The following EIF2D variants were observed in gnomAD, a reference collection of about 807,000 sequenced individuals.
EIF2D encodes the protein hepatocellular carcinoma-associated antigen 56.
A neutral mutation model predicts 77.4 loss-of-function variants in EIF2D; 56 were observed. The ratio of observed to expected loss-of-function variants is 0.72; its 90% CI spans 0.58 to 0.90. EIF2D has a LOEUF of 0.90. Ranked by LOEUF, EIF2D falls within the 40% of genes least tolerant of loss-of-function variation. The pLI, the probability that EIF2D is intolerant of heterozygous loss-of-function variation, is 0.00. For missense variants in EIF2D, 574 were observed against 706.5 expected, an observed-to-expected ratio of 0.81 and a Z score of 2.13; for synonymous variants, 230 against 271.0, an observed-to-expected ratio of 0.85 and a Z score of 1.49.
intron 11 of EIF2D, among the ~76,000 whole-genome samples, chr1:206,597,589 G>A (rs1412588814): frequency 6.6e-6 from 1 of 152,170 alleles, no homozygotes; most frequent in African/African-American, 2.4e-5. Flanking sequence ...GGCTGAGGCG[G>A]GAGGATCACC....
Position 206,584,808 on chromosome 1 carries a change from T to A in EIF2D, c.139-3646A>T. The A allele has an allele frequency of 9.9e-7, 1 of 1,012,612 alleles. No homozygotes were observed. The highest frequency in any genetic ancestry group is 1.5e-6 in the Non-Finnish European group (1 of 680,786). The allele number at this position is 1,012,612 out of a possible 1,614,324, so 62.7% of individuals were successfully genotyped here. A position where few individuals can be genotyped will look rare whatever the true frequency, so the allele number is the denominator to read the frequency against. ...TTCTCCTGAGCACCAGGGGTCCAGCTGCCCATGTGGTGTTCAGATCTGTGG... is the reference window on the plus strand; with the variant it reads ...TTCTCCTGAGCACCAGGGGTCCAGCAGCCCATGTGGTGTTCAGATCTGTGG... On this transcript the variant is annotated intron_variant and NMD_transcript_variant, in intron 2 of 5. Coordinates refer to the EIF2D transcript ENST00000472709. This position sits in a 1 kb window ranked among gnomAD's most constrained non-coding sequence, Gnocchi z 4.9.
At chr1:206,597,734 CAGG>C (rs1361020377) in intron 11 of EIF2D, among the ~76,000 whole-genome samples, 3 of 152,146 alleles carry the variant, frequency 2.0e-5, no homozygotes, top group African/African-American at 4.8e-5. Flanking sequence ...CACTTGAGGT[CAGG>C]AGTTCAAGAC....
chr1:206,599,167 T>G lies in EIF2D; in HGVS notation c.1203-75A>C, dbSNP rs1337889281. On this transcript the variant is annotated intron_variant, in intron 10 of 14. Transcript: ENST00000271764. The surrounding 1 kb of genome is among the most constrained non-coding windows in gnomAD (Gnocchi z 4.1). ...CAAAAATGCAGATGCCCAGACTCACTCCCTGCTGAGCAGGGAACTTTCCTT... is the reference window on the plus strand; with the variant it reads ...CAAAAATGCAGATGCCCAGACTCACGCCCTGCTGAGCAGGGAACTTTCCTT... 1 of 1,415,888 alleles carries G rather than the reference T, an allele frequency of 7.1e-7. No homozygotes were observed. Among genetic ancestry groups the G allele is most frequent in the Non-Finnish European group, 9.9e-7 (1 of 1,008,762 alleles). The allele number at this position is 1,415,888 out of a possible 1,614,324, so 87.7% of individuals were successfully genotyped here. A position where few individuals can be genotyped will look rare whatever the true frequency, so the allele number is the denominator to read the frequency against.
intron 4 of EIF2D, among the ~76,000 whole-genome samples, chr1:206,574,115 A>C (rs1379587674): frequency 6.6e-6 from 1 of 152,248 alleles, no homozygotes; most frequent in Admixed American, 6.5e-5. Flanking sequence ...TAAGGGAGCT[A>C]CTGTTCCCTG....
At chr1:206,608,194 C>T (rs1670289912) in intron 4 of EIF2D, 42 bp downstream of exon 4, 1 of 1,572,800 alleles carries the variant, frequency 6.4e-7, no homozygotes, top group Non-Finnish European at 8.7e-7. Flanking sequence ...TTCTCTTTTA[C>T]ACAAGTTTTT....
chr1:206,599,781 A>G lies in EIF2D; in HGVS notation c.1004T>C (p.Leu335Pro). Residue 335 changes from leucine to proline, a missense_variant, in exon 9 of 15, where the codon CTG becomes CCG. Coordinates refer to ENST00000271764, the MANE Select transcript of EIF2D (RefSeq NM_006893.3). This position sits in a 1 kb window ranked among gnomAD's most constrained non-coding sequence, Gnocchi z 4.1. ...QQEQIIQVKE[L>P]SKGVESIVAV... ...CACAATGCTCTCCACCCCTTTGCTC[A>G]GCTCCTTCACCTGTATAATCTGCTC... is the stretch of plus-strand genomic sequence containing the variant. 1.2e-6 allele frequency: 2 copies of G among 1,614,114 alleles called. No homozygotes were observed. The highest frequency in any genetic ancestry group is 1.6e-4 in the Middle Eastern group (1 of 6,062).
exon 3 of EIF2D, chr1:206,581,106 T>G (rs1668855941): frequency 1.3e-5 from 2 of 152,260 alleles, no homozygotes; most frequent in African/African-American, 4.8e-5. Flanking sequence ...CCTACTTAGC[T>G]TCTTACTAGC....
chr1:206,603,961 G>T (rs1340475539), intron 5 of EIF2D, among the ~76,000 whole-genome samples: 1 of 152,044 alleles, frequency 6.6e-6, no homozygotes, highest in East Asian at 1.9e-4. Flanking sequence ...TTTTTTCAAG[G>T]TGCAGCGAGA....
At chr1:206,595,990 A>G in intron 12 of EIF2D, 152 bp from the exon 13 acceptor site, 2 of 1,102,550 alleles carry the variant, frequency 1.8e-6, no homozygotes, top group Non-Finnish European at 2.6e-6. Context: ...AGGGAGCTAC[A>G]GCCCAGATCA....
At chr1:206,609,589 G>GT (rs1670371510) in intron 2 of EIF2D, 130 bp from the exon 3 acceptor site, 2 of 679,162 alleles carry the variant, frequency 2.9e-6, no homozygotes, top group Non-Finnish European at 4.7e-6. Context: ...TAAAGAGAAG[G>GT]TTGTAAGGGG....
At chr1:206,574,615 C>T (rs1185763461) in intron 4 of EIF2D, among the ~76,000 whole-genome samples, 2 of 152,220 alleles carry the variant, frequency 1.3e-5, no homozygotes, top group Non-Finnish European at 2.9e-5. Flanking sequence ...CTTCCCTGCT[C>T]TGCTGCAAAT....
At chr1:206,603,260 T>C in intron 5 of EIF2D, 56 bp from the exon 6 acceptor site, 3 of 1,582,598 alleles carry the variant, frequency 1.9e-6, no homozygotes, top group Non-Finnish European at 2.6e-6. Context: ...TCTCCAGCCC[T>C]GGCCACAGAG....
intron 2 of EIF2D, among the ~76,000 whole-genome samples, chr1:206,581,566 T>A (rs1668875463): frequency 6.6e-6 from 1 of 150,912 alleles, no homozygotes; most frequent in African/African-American, 2.4e-5. Context: ...GCCACTGCAT[T>A]CCAGCCTGGG....
downstream of EIF2D, among the ~76,000 whole-genome samples, chr1:206,569,734 T>A (rs868992005): frequency 2.6e-4 from 39 of 152,360 alleles, no homozygotes; most frequent in Middle Eastern, 3.4e-3. Context: ...TCTGTGCCCC[T>A]GACCTTTCTG....
Position 206,602,980 on chromosome 1 carries a change from T to C in EIF2D, c.755A>G (p.Gln252Arg). The C allele has an allele frequency of 1.2e-6, 2 of 1,614,154 alleles. No individual in the cohort carries two copies. The highest frequency in any genetic ancestry group is 1.7e-6 in the Non-Finnish European group (2 of 1,180,026). The part of the protein sequence containing the change: ...PEDTSTRGLN[Q>R]DSTDSKTLQE... ...AAGCGTTTTGCTATCTGTGGAGTCT[T>C]GGTTCAGGCCCCTGGTGCTGGTGTC... The change falls in exon 6 of 15, where the codon CAA (glutamine) becomes CGA (arginine). Residue 252 changes from glutamine (Q) to arginine (R), a missense_variant. Transcript: ENST00000271764.
At chr1:206,597,285 T>G (rs1436113957) in intron 11 of EIF2D, 90 bp from the exon 12 acceptor site, 1 of 921,628 alleles carries the variant, frequency 1.1e-6, no homozygotes, top group East Asian at 2.6e-5. Flanking sequence ...GTACGGCCTT[T>G]ATAGACATTC....
Position 206,605,423 on chromosome 1 carries a change from G to T in EIF2D, c.507C>A (p.Leu169=). ...SGLKGRGFSV[L]HTYQDHLWRS... ...ACCACAAGTGGTCCTGGTAAGTGTGGAGCACAGAGAAGCCCCTTCCCTTCA... is the reference window on the plus strand; with the variant it reads ...ACCACAAGTGGTCCTGGTAAGTGTGTAGCACAGAGAAGCCCCTTCCCTTCA... Residue 169 remains leucine (L), a synonymous_variant, in exon 5 of 15, where the codon CTC becomes CTA. Transcript: ENST00000271764. 6.2e-7 allele frequency: 1 copy of T among 1,614,072 alleles called. No individual in the cohort carries two copies.
At chr1:206,585,089 C>A in intron 2 of EIF2D, 1 of 888,268 alleles carries the variant, frequency 1.1e-6, no homozygotes, top group Non-Finnish European at 1.8e-6. Flanking sequence ...TTGTACGTAC[C>A]CCACCTCTGC....
chr1:206,596,066 G>A (rs1553409977), intron 12 of EIF2D, among the ~76,000 whole-genome samples: 1 of 152,182 alleles, frequency 6.6e-6, no homozygotes, highest in African/African-American at 2.4e-5. Flanking sequence ...GGCCAAGGTA[G>A]ACACCCACTG....
Sources: allele counts gnomAD v4.1 joint callset (sites outside exome capture counted in the v4.1 genomes callset), GRCh38; gene constraint gnomAD v4.1.1; non-coding constraint Gnocchi (gnomAD v3.1); transcripts MANE v1.5; gene names NCBI Gene and HGNC (gene_info 2026-07-23, HGNC 2026-07-21).